RNF150: variants seen among roughly 807,000 people sequenced by gnomAD.
RNF150 encodes ring finger protein 150.
A neutral mutation model predicts 39.3 loss-of-function variants in RNF150; 24 were observed. The observed-to-expected ratio is 0.61, with a 90% CI of 0.44 to 0.86. The LOEUF (loss-of-function observed/expected upper bound fraction) is 0.86, where lower values mean the gene tolerates loss of function less well. Ranked by LOEUF, RNF150 falls within the 40% of genes least tolerant of loss-of-function variation. The pLI is 0.00. For missense variants in RNF150, 502 were observed against 587.8 expected (o/e 0.85, Z 1.51); for synonymous variants, 255 against 227.3 (o/e 1.12, Z -1.10).
intron 1 of RNF150, among the ~76,000 whole-genome samples, chr4:141,165,997 C>T (rs1348140483): frequency 1.3e-5 from 2 of 152,090 alleles, no homozygotes; most frequent in East Asian, 3.9e-4. Context: ...TCAAAAAAAT[C>T]AATGAATCCA....
upstream of RNF150, among the ~76,000 whole-genome samples, chr4:141,134,231 T>A (rs1726985875): frequency 6.6e-6 from 1 of 152,162 alleles, no homozygotes; most frequent in Admixed American, 6.5e-5. Context: ...CAACTGTGCA[T>A]AGAGATTACA....
chr4:140,959,063 C>G (rs566121831), intron 2 of RNF150, among the ~76,000 whole-genome samples: 13 of 152,254 alleles, frequency 8.5e-5, no homozygotes, highest in Middle Eastern at 3.4e-3. Context: ...ACCTGGCCTG[C>G]CTTGCTCGAC....
intron 1 of RNF150, among the ~76,000 whole-genome samples, chr4:141,152,222 G>A (rs761484133): frequency 1.3e-5 from 2 of 152,188 alleles, no homozygotes; most frequent in African/African-American, 4.8e-5. Flanking sequence ...TTGCCACAAA[G>A]CAATTCACTT....
chr4:140,916,659 A>G (rs1051967389), intron 5 of RNF150, among the ~76,000 whole-genome samples: 2 of 152,230 alleles, frequency 1.3e-5, no homozygotes, highest in Admixed American at 6.5e-5. Flanking sequence ...CTAGCAAGGC[A>G]GGCCAACATT....
chr4:141,194,059 G>A (rs1449480127), intron 1 of RNF150, among the ~76,000 whole-genome samples: 2 of 152,138 alleles, frequency 1.3e-5, no homozygotes, highest in Non-Finnish European at 2.9e-5. Flanking sequence ...ATTTGAACAT[G>A]CCATTTGAAA....
At chr4:141,030,679 T>C (rs144111480) in intron 1 of RNF150, among the ~76,000 whole-genome samples, 194 of 152,336 alleles carry the variant, frequency 1.3e-3, no homozygotes, top group African/African-American at 4.5e-3. Flanking sequence ...TATGGATATA[T>C]CTTCAGATTA....
chr4:140,903,539 A>G (rs1054320262), intron 6 of RNF150, among the ~76,000 whole-genome samples: 3 of 152,106 alleles, frequency 2.0e-5, no homozygotes, highest in African/African-American at 7.2e-5. Context: ...GTTTCCTGCC[A>G]TCAGCTGCTG....
At chr4:140,911,465 ACTT>A (rs1437920418) in intron 5 of RNF150, 111 bp from the exon 6 acceptor site, 20 of 812,352 alleles carry the variant, frequency 2.5e-5, no homozygotes, top group Non-Finnish European at 3.4e-5. Context: ...TTTATTGTTT[ACTT>A]CTTGAGCCAC....
chr4:141,070,194 C>T (rs1047930933), intron 1 of RNF150, among the ~76,000 whole-genome samples: 61 of 152,170 alleles, frequency 4.0e-4, no homozygotes, highest in Non-Finnish European at 6.6e-4. Flanking sequence ...AAAGCTGAAA[C>T]TGGATCCCTT....
intron 1 of RNF150, among the ~76,000 whole-genome samples, chr4:141,061,174 C>A (rs1422065769): frequency 6.6e-6 from 1 of 151,590 alleles, no homozygotes; most frequent in Non-Finnish European, 1.5e-5. Flanking sequence ...ATTAAAAACC[C>A]AAGGCAAAAA....
At chr4:141,169,282 C>G (rs1460520716) in intron 1 of RNF150, among the ~76,000 whole-genome samples, 1 of 152,048 alleles carries the variant, frequency 6.6e-6, no homozygotes, top group African/African-American at 2.4e-5. Flanking sequence ...GTCTACTTCC[C>G]CTTTACCTTC....
intron 1 of RNF150, among the ~76,000 whole-genome samples, chr4:141,175,405 T>C (rs1037752093): frequency 6.6e-6 from 1 of 152,170 alleles, no homozygotes; most frequent in African/African-American, 2.4e-5. Context: ...AAAACACATT[T>C]AAAAGACAAT....
intron 6 of RNF150, among the ~76,000 whole-genome samples, chr4:140,883,831 T>A (rs917309109): frequency 6.6e-6 from 1 of 152,316 alleles, no homozygotes; most frequent in African/African-American, 2.4e-5. Flanking sequence ...TTTCCTTAGA[T>A]TTGGGAAGCT....
At chr4:141,113,752 T>C (rs996232034) in intron 1 of RNF150, among the ~76,000 whole-genome samples, 1 of 152,138 alleles carries the variant, frequency 6.6e-6, no homozygotes, top group Non-Finnish European at 1.5e-5. Context: ...ATTCTAAAAT[T>C]GACCACATAA....
rs1451324883 is a variant in RNF150, at chr4:140,864,426, C to T, written c.*3835G>A. 6.6e-6 allele frequency: 1 copy of T among 152,250 alleles called. No individual in the cohort carries two copies. Among genetic ancestry groups the T allele is most frequent in the Non-Finnish European group, 1.5e-5 (1 of 68,092 alleles). 9.4% of individuals were successfully genotyped at this position (152,250 alleles called of 1,614,324 possible). On this transcript the variant is annotated 3_prime_UTR_variant, in exon 7 of 7. Coordinates refer to ENST00000515673, the MANE Select transcript of RNF150 (RefSeq NM_020724.2). ...AAATTATTTTGAGTGAATGCAAATG[C>T]TCCTTTTCTTCCCCATAGCATTGGG...
At chr4:141,012,290 G>A (rs752176262) in intron 1 of RNF150, among the ~76,000 whole-genome samples, 19 of 152,176 alleles carry the variant, frequency 1.2e-4, no homozygotes, top group African/African-American at 4.1e-4. Context: ...GGTCCTGACC[G>A]GGCTGGGTTA....
intron 1 of RNF150, among the ~76,000 whole-genome samples, chr4:140,974,532 T>C: frequency 6.6e-6 from 1 of 152,208 alleles, no homozygotes; most frequent in Non-Finnish European, 1.5e-5. Flanking sequence ...GTATAACTGC[T>C]AGCTTGTACG....
chr4:141,117,655 G>A (rs1387027399), intron 1 of RNF150, among the ~76,000 whole-genome samples: 2 of 152,174 alleles, frequency 1.3e-5, no homozygotes, highest in African/African-American at 4.8e-5. Flanking sequence ...ATTAAGCAAT[G>A]CATGACTATG....
chr4:141,077,112 A>C (rs1434572473), intron 1 of RNF150, among the ~76,000 whole-genome samples: 2 of 152,196 alleles, frequency 1.3e-5, no homozygotes, highest in East Asian at 3.9e-4. Flanking sequence ...GAAGAAGTAA[A>C]AAAGGGGGAT....
Sources: allele counts gnomAD v4.1 joint callset (sites outside exome capture counted in the v4.1 genomes callset), GRCh38; gene constraint gnomAD v4.1.1; transcripts MANE v1.5; gene names NCBI Gene and HGNC (gene_info 2026-07-23, HGNC 2026-07-21).